DGKB: variants seen among roughly 807,000 people sequenced by gnomAD.
DGKB encodes 90 kDa diacylglycerol kinase.
A neutral mutation model predicts 114.3 loss-of-function variants in DGKB; 67 were observed. The observed-to-expected ratio is 0.59, with a 90% CI of 0.48 to 0.72. DGKB has a LOEUF of 0.72. Among genes scored for constraint, DGKB ranks in the 30% least tolerant of loss-of-function variants. DGKB has a pLI of 0.00. For missense variants in DGKB, 907 were observed against 975.2 expected (o/e 0.93, Z 0.93); for synonymous variants, 398 against 323.1 (o/e 1.23, Z -2.49).
chr7:14,660,498 T>A (rs563451083), intron 13 of DGKB, among the ~76,000 whole-genome samples: 3 of 152,224 alleles, frequency 2.0e-5, no homozygotes, highest in Non-Finnish European at 4.4e-5. Flanking sequence ...TTTTCTAGTT[T>A]ATTTGCGTAG....
At chr7:14,768,806 CT>C (rs1836844925) in intron 2 of DGKB, among the ~76,000 whole-genome samples, 1 of 151,870 alleles carries the variant, frequency 6.6e-6, no homozygotes, top group Admixed American at 6.6e-5. Context: ...CTGAAAATCC[CT>C]GTGAAATAGT....
intron 23 of DGKB, among the ~76,000 whole-genome samples, chr7:14,221,387 G>A (rs935745804): frequency 8.6e-5 from 13 of 151,184 alleles, no homozygotes; most frequent in African/African-American, 3.1e-4. Flanking sequence ...TATAAAAATT[G>A]TTAAGTTTTG....
chr7:14,275,645 C>G (rs777069916), intron 23 of DGKB, among the ~76,000 whole-genome samples: 9 of 152,142 alleles, frequency 5.9e-5, no homozygotes, highest in Non-Finnish European at 1.0e-4. Context: ...AGATATTTGA[C>G]AGAAGACAAG....
chr7:14,231,129 T>TTCTTTCTTTCTTTCTTTCTTTCTTTC (rs1562685092), intron 23 of DGKB, among the ~76,000 whole-genome samples: 5 of 140,328 alleles, frequency 3.6e-5, no homozygotes, highest in African/African-American at 1.0e-4. Context: ...CTTTCTTTCT[T>TTCTTTCTTTCTTTCTTTCTTTCTTTC]TCTTTCTTTC....
At chr7:14,508,811 A>AAATC (rs1787522158) in intron 20 of DGKB, among the ~76,000 whole-genome samples, 1 of 150,546 alleles carries the variant, frequency 6.6e-6, no homozygotes, top group African/African-American at 2.5e-5. Flanking sequence ...TCTTGACCCC[A>AAATC]GATCTAGTGT....
In DGKB at chr7:14,157,072, G is replaced by A. The variant is rs1451679920; in HGVS notation, c.2305-7834C>T. Among the ~76,000 whole-genome samples, 5 of 152,002 alleles carry A rather than the reference G, an allele frequency of 3.3e-5. No individual in the cohort carries two copies. The East Asian group carries it at 9.6e-4, about 29-fold the overall frequency. On this transcript the variant is annotated intron_variant, in intron 25 of 25. Coordinates refer to ENST00000402815, the MANE Select transcript of DGKB (RefSeq NM_001350709.2). ...TTTTCTCCCTGCTTCATCTCTTTAA[G>A]AGTTTATTATCACTGAATTTATTCA...
intron 21 of DGKB, among the ~76,000 whole-genome samples, chr7:14,381,536 A>G (rs1002952417): frequency 1.3e-5 from 2 of 152,208 alleles, no homozygotes; most frequent in African/African-American, 4.8e-5. Flanking sequence ...AATGAATCTT[A>G]CCAAAGAAAA....
chr7:14,155,451 T>G (rs2128218388), intron 25 of DGKB, among the ~76,000 whole-genome samples: 1 of 152,122 alleles, frequency 6.6e-6, no homozygotes, highest in Non-Finnish European at 1.5e-5. Context: ...ATTGAAAAAA[T>G]ATGCCATTTA....
intron 20 of DGKB, among the ~76,000 whole-genome samples, chr7:14,560,389 C>A (rs1796481590): frequency 6.6e-6 from 1 of 152,138 alleles, no homozygotes; most frequent in South Asian, 2.1e-4. Flanking sequence ...GCCCTGGTAG[C>A]CACAATTCCA....
At position 14,458,056 on chromosome 7, in the gene DGKB, A is replaced by G. The variant is rs12055929; in HGVS notation, c.1835+20105T>C. On this transcript the variant is annotated intron_variant, in intron 21 of 25. Transcript: ENST00000402815. The stretch of plus-strand genomic sequence containing the variant: ...TAGATTCTTCAACGTCTTTAAATCA[A>G]GAATCTTCAAGCCTTGATTAAAAAA... Among the ~76,000 whole-genome samples the G allele has an allele frequency of 7.2e-5, 11 of 152,304 alleles. No individual in the cohort carries two copies. In the East Asian group the frequency reaches 2.1e-3, roughly 30 times the overall value.
chr7:14,909,894 A>G (rs1386574457), intron 1 of DGKB, among the ~76,000 whole-genome samples: 1 of 152,140 alleles, frequency 6.6e-6, no homozygotes, highest in Non-Finnish European at 1.5e-5. Context: ...CTGTGATTTA[A>G]TGATGCTTTA....
intron 8 of DGKB, among the ~76,000 whole-genome samples, chr7:14,697,513 A>G (rs987046711): frequency 6.6e-6 from 1 of 152,100 alleles, no homozygotes; most frequent in Non-Finnish European, 1.5e-5. Flanking sequence ...GAAGAAAGCA[A>G]AAGTTACTGT....
intron 20 of DGKB, among the ~76,000 whole-genome samples, chr7:14,529,237 A>C (rs547965028): frequency 3.8e-4 from 58 of 152,092 alleles, no homozygotes; most frequent in African/African-American, 1.3e-3. Context: ...TGAATGTAGA[A>C]ATTTCCTGAA....
At chr7:14,602,820 A>T (rs922775635) in intron 17 of DGKB, among the ~76,000 whole-genome samples, 17 of 152,318 alleles carry the variant, frequency 1.1e-4, no homozygotes, top group African/African-American at 3.8e-4. Context: ...ACACACACAA[A>T]TACGAAACGG....
At chr7:14,647,791 C>T (rs1376967162) in intron 13 of DGKB, among the ~76,000 whole-genome samples, 1 of 152,216 alleles carries the variant, frequency 6.6e-6, no homozygotes, top group South Asian at 2.1e-4. Context: ...TCGCGCGCAC[C>T]ATGCGCGAGC....
intron 23 of DGKB, among the ~76,000 whole-genome samples, chr7:14,204,606 C>G (rs1786453639): frequency 6.6e-6 from 1 of 152,010 alleles, no homozygotes; most frequent in Non-Finnish European, 1.5e-5. Context: ...TCTTGGTAAA[C>G]TCTTCATTGG....
At chr7:14,619,924 T>C (rs751153614) in intron 15 of DGKB, among the ~76,000 whole-genome samples, 14 of 151,700 alleles carry the variant, frequency 9.2e-5, no homozygotes, top group African/African-American at 3.4e-4. Context: ...TGCCTAGTCA[T>C]GTGAAATACA....
chr7:14,424,478 G>T (rs1827202663), intron 21 of DGKB, among the ~76,000 whole-genome samples: 1 of 151,614 alleles, frequency 6.6e-6, no homozygotes, highest in African/African-American at 2.4e-5. Context: ...AAAGAGTTAG[G>T]TCTATCACTC....
intron 22 of DGKB, among the ~76,000 whole-genome samples, chr7:14,339,686 AGTT>A (rs1274084358): frequency 1.3e-5 from 2 of 151,976 alleles, no homozygotes; most frequent in African/African-American, 4.8e-5. Flanking sequence ...TTAAAATGCT[AGTT>A]ATTATTATAC....
Sources: gnomAD v4.1 joint callset for allele counts (sites outside exome capture counted in the v4.1 genomes callset) on GRCh38, gnomAD v4.1.1 for gene constraint, MANE v1.5 for transcripts, NCBI Gene and HGNC (gene_info 2026-07-23, HGNC 2026-07-21) for gene names.